Variants in STARD13 observed in about 807,000 individuals in gnomAD.
STARD13 encodes the protein StAR related lipid transfer domain containing 13, also known as stAR-related lipid transfer protein 13.
STARD13 carries 62 observed loss-of-function variants against 106.4 expected under a neutral mutation model. The observed-to-expected ratio is 0.58, with a 90% CI of 0.48 to 0.72. The LOEUF (loss-of-function observed/expected upper bound fraction) is 0.72, where lower values mean the gene tolerates loss of function less well. Among genes scored for constraint, STARD13 ranks in the 30% least tolerant of loss-of-function variants. The probability of loss-of-function intolerance (pLI) is 0.00; values close to 1 mark genes in which losing one functional copy is unlikely to be tolerated. For synonymous variants in STARD13, 565 were observed against 553.0 expected (o/e 1.02, Z -0.31); for missense variants, 1,387 against 1,424.0 (o/e 0.97, Z 0.42).
chr13:33,519,361 A>AT, the STARD13 span, among the ~76,000 whole-genome samples: 12 of 52,922 alleles, frequency 2.3e-4, no homozygotes, highest in East Asian at 8.6e-4. Flanking sequence ...TTTCCTTTTC[A>AT]TTTTTTTTTA....
At chr13:33,545,431 A>G in the STARD13 span, among the ~76,000 whole-genome samples, 3 of 152,202 alleles carry the variant, frequency 2.0e-5, no homozygotes, top group African/African-American at 7.2e-5. Flanking sequence ...TTTAAACTTT[A>G]TTGTAATAAA....
chr13:33,121,275 A>G (rs1876251487), intron 7 of STARD13, among the ~76,000 whole-genome samples: 1 of 152,110 alleles, frequency 6.6e-6, no homozygotes, highest in South Asian at 2.1e-4. Context: ...TTTCTTCTTC[A>G]GAAAGTTTTG....
intron 1 of STARD13, among the ~76,000 whole-genome samples, chr13:33,186,808 G>C (rs1022310005): frequency 1.3e-5 from 2 of 152,050 alleles, no homozygotes; most frequent in Non-Finnish European, 2.9e-5. Flanking sequence ...CTAAATTCTA[G>C]GTTTTAAAAA....
the STARD13 span, among the ~76,000 whole-genome samples, chr13:33,553,013 A>G: frequency 6.6e-6 from 1 of 152,194 alleles, no homozygotes; most frequent in African/African-American, 2.4e-5. Context: ...TATAATATGG[A>G]TATAGGAGTA....
chr13:33,534,987 G>T, the STARD13 span, among the ~76,000 whole-genome samples: 3 of 152,108 alleles, frequency 2.0e-5, no homozygotes, highest in Non-Finnish European at 1.5e-5. Flanking sequence ...AGGCTGAGGC[G>T]GGCGGATCAC....
the STARD13 span, among the ~76,000 whole-genome samples, chr13:33,567,287 A>G: frequency 9.7e-3 from 1,438 of 148,708 alleles, 121 homozygotes; most frequent in Non-Finnish European, 0.014. Flanking sequence ...TGGAGAGGAC[A>G]GTAAAGAATC....
the STARD13 span, among the ~76,000 whole-genome samples, chr13:33,434,937 G>GGAAT: frequency 6.7e-6 from 1 of 148,462 alleles, no homozygotes; most frequent in Non-Finnish European, 1.5e-5. Flanking sequence ...AAGGAAGGAA[G>GGAAT]GAAGGAAACT....
chr13:33,654,116 C>A, the STARD13 span, among the ~76,000 whole-genome samples: 4 of 152,238 alleles, frequency 2.6e-5, no homozygotes, highest in African/African-American at 9.6e-5. Flanking sequence ...GGGGAAAGTT[C>A]CTCAAAAAGT....
At chr13:33,524,184 T>G in the STARD13 span, 1 of 1,054,162 alleles carries the variant, frequency 9.5e-7, no homozygotes, top group South Asian at 1.7e-5. Flanking sequence ...TTACACCGTA[T>G]GAACAGGGCA....
chr13:33,610,648 G>A, the STARD13 span, among the ~76,000 whole-genome samples: 9 of 152,260 alleles, frequency 5.9e-5, no homozygotes, highest in African/African-American at 1.9e-4. Context: ...GGGCCACCAG[G>A]AGGAGTTAGT....
At chr13:33,284,895 G>A (rs186318929) in intron 1 of STARD13, among the ~76,000 whole-genome samples, 1 of 152,236 alleles carries the variant, frequency 6.6e-6, no homozygotes, top group Admixed American at 6.5e-5. Context: ...TTTGTTTTGA[G>A]ATGAACGAAC....
chr13:33,499,768 T>C, the STARD13 span, among the ~76,000 whole-genome samples: 1 of 142,770 alleles, frequency 7.0e-6, no homozygotes, highest in Non-Finnish European at 1.5e-5. Context: ...TTTCTTTTTT[T>C]TTTTTTTTTT....
At chr13:33,485,847 G>A in the STARD13 span, among the ~76,000 whole-genome samples, 10 of 152,054 alleles carry the variant, frequency 6.6e-5, no homozygotes, top group Non-Finnish European at 8.8e-5. Flanking sequence ...TTATTTCAAC[G>A]CCAAAGAAGG....
intron 8 of STARD13, among the ~76,000 whole-genome samples, chr13:33,114,525 G>A (rs1875087549): frequency 6.6e-6 from 1 of 152,166 alleles, no homozygotes; most frequent in Non-Finnish European, 1.5e-5. Context: ...GTTAAAATTA[G>A]AGTGAACCCA....
At chr13:33,531,944 CAGA>C in the STARD13 span, among the ~76,000 whole-genome samples, 2 of 152,142 alleles carry the variant, frequency 1.3e-5, no homozygotes, top group African/African-American at 2.4e-5. Context: ...CTACCACCAA[CAGA>C]AGTACTGAAA....
intron 1 of STARD13, among the ~76,000 whole-genome samples, chr13:33,252,352 T>C (rs558888335): frequency 3.9e-5 from 6 of 152,214 alleles, no homozygotes; most frequent in Admixed American, 2.0e-4. Flanking sequence ...GATAACAGAG[T>C]GCTAGATGTT....
chr13:33,149,842 A>G (rs936000087), intron 3 of STARD13, among the ~76,000 whole-genome samples: 1 of 152,354 alleles, frequency 6.6e-6, no homozygotes, highest in African/African-American at 2.4e-5. Context: ...AAACCACTGC[A>G]AAATTCTCGT....
chr13:33,506,095 T>C, the STARD13 span, among the ~76,000 whole-genome samples: 1 of 152,122 alleles, frequency 6.6e-6, no homozygotes, highest in African/African-American at 2.4e-5. Context: ...AAAAATACAG[T>C]GCAAATTTCA....
the STARD13 span, among the ~76,000 whole-genome samples, chr13:33,451,762 G>A: frequency 1.3e-5 from 2 of 152,084 alleles, no homozygotes; most frequent in Admixed American, 6.5e-5. Context: ...TGGCATGATA[G>A]CATTTGTGAA....
Sources: allele counts gnomAD v4.1 joint callset (sites outside exome capture counted in the v4.1 genomes callset), GRCh38; gene constraint gnomAD v4.1.1; transcripts MANE v1.5; gene names NCBI Gene and HGNC (gene_info 2026-07-23, HGNC 2026-07-21).